KALRN: variants seen among roughly 807,000 people sequenced by gnomAD.
KALRN encodes the protein kalirin.
A neutral mutation model predicts 353.7 loss-of-function variants in KALRN; 70 were observed. The observed-to-expected ratio is 0.20, with a 90% CI of 0.16 to 0.24. The LOEUF (loss-of-function observed/expected upper bound fraction) is 0.24. Ranked by LOEUF, KALRN falls within the 10% of genes least tolerant of loss-of-function variation. The pLI, the probability that KALRN is intolerant of heterozygous loss-of-function variation, is 1.00. For missense variants in KALRN, 2,791 were observed against 3,756.7 expected (o/e 0.74, Z 6.72); for synonymous variants, 1,391 against 1,434.8 (o/e 0.97, Z 0.69).
chr3:124,431,045 C>G (rs553316341), intron 16 of KALRN, among the ~76,000 whole-genome samples: 1 of 152,184 alleles, frequency 6.6e-6, no homozygotes, highest in Admixed American at 6.5e-5. Context: ...CCTTTAAGGC[C>G]ACTGGTACAT....
chr3:124,182,382 A>G (rs2073720558), intron 1 of KALRN, among the ~76,000 whole-genome samples: 1 of 152,204 alleles, frequency 6.6e-6, no homozygotes, highest in Admixed American at 6.5e-5. Flanking sequence ...GACTTGACTT[A>G]CATGGTTGTT....
intron 2 of KALRN, among the ~76,000 whole-genome samples, chr3:124,228,411 C>G (rs182687205): frequency 6.6e-6 from 1 of 152,168 alleles, no homozygotes; most frequent in African/African-American, 2.4e-5. Flanking sequence ...GGATCAGGGA[C>G]GGGAGATTTT....
chr3:124,280,581 T>G (rs1226514809), intron 5 of KALRN, among the ~76,000 whole-genome samples: 1 of 152,206 alleles, frequency 6.6e-6, no homozygotes, highest in Non-Finnish European at 1.5e-5. Flanking sequence ...GGGAGGAGTC[T>G]GCAGCTTTTG....
rs144113221 is a variant in KALRN at position 124,434,444 on chromosome 3, C to T, written c.2967C>T (p.His989=). ...AATGTGCTGAGAAGGTGGCCCTCCA[C>T]TGGCAGCAGCTCATGCTGAAGATGG... The part of the protein sequence containing the change: ...IRECAEKVAL[H]WQQLMLKMED... The change falls in exon 17 of 60, where the codon CAC becomes CAT. Residue 989 remains histidine, a synonymous_variant. Transcript: ENST00000682506. 1.5e-3 allele frequency: 2,357 copies of T among 1,614,246 alleles called. 5 individuals are homozygous for T. Among genetic ancestry groups the T allele is most frequent in the Non-Finnish European group, 1.9e-3 (2,198 of 1,180,034 alleles).
intron 35 of KALRN, among the ~76,000 whole-genome samples, chr3:124,633,512 A>C (rs2081009939): frequency 6.6e-6 from 1 of 152,256 alleles, no homozygotes; most frequent in Non-Finnish European, 1.5e-5. Flanking sequence ...GCCTGGCGGC[A>C]TTTGGGCTAT....
At chr3:124,391,584 A>G (rs971460851) in intron 11 of KALRN, among the ~76,000 whole-genome samples, 1 of 152,204 alleles carries the variant, frequency 6.6e-6, no homozygotes, top group Non-Finnish European at 1.5e-5. Context: ...GCTAAATCGG[A>G]GGGACATACA....
intron 33 of KALRN, among the ~76,000 whole-genome samples, chr3:124,508,750 G>A (rs569289925): frequency 2.1e-4 from 32 of 152,162 alleles, no homozygotes; most frequent in Middle Eastern, 3.4e-3. Flanking sequence ...TCAAAGTGCC[G>A]ATACCAAATT....
In KALRN at chr3:124,271,781, T is replaced by C. The variant is rs150190705; in HGVS notation, c.969+2526T>C. ...AAAAATCCCAAATCCTACATTTTAA[T>C]GCTCATTCCACAGCAGGGGCTCTTT... On this transcript the variant is annotated intron_variant, in intron 5 of 59. Coordinates refer to ENST00000682506, the MANE Select transcript of KALRN (RefSeq NM_001388419.1). 7.9e-5 allele frequency among the ~76,000 whole-genome samples: 12 copies of C among 152,348 alleles called. No homozygotes were observed. In the East Asian group the frequency reaches 2.3e-3, roughly 29 times the overall value.
rs796628603 is a variant in KALRN, at chr3:124,642,806, G to GTTGTTTTTTTTTTTTTT, written c.5664+5505_5664+5506insGTTTTTTTTTTTTTTTT. Among the ~76,000 whole-genome samples the GTTGTTTTTTTTTTTTTT allele has an allele frequency of 2.8e-3, 274 of 96,776 alleles. 28 individuals carry two copies. The highest frequency in any genetic ancestry group is 6.5e-3 in the African/African-American group (144 of 22,304). The allele number at this position is 96,776 out of a possible 152,430, so 63.5% of individuals were successfully genotyped here. A position where few individuals can be genotyped will look rare whatever the true frequency, so the allele number is the denominator to read the frequency against. ...TCTGTGGAAGAGATTCCCAAGCCTC[G>GTTGTTTTTTTTTTTTTT]TTTTTTTTTTTTTTTTTTTTGAGAC... On this transcript the variant is annotated intron_variant, in intron 37 of 59. Transcript: ENST00000682506.
At chr3:124,115,502 T>C (rs1218986405) in intron 1 of KALRN, among the ~76,000 whole-genome samples, 3 of 152,160 alleles carry the variant, frequency 2.0e-5, no homozygotes, top group Non-Finnish European at 4.4e-5. Context: ...GATTAGCAGC[T>C]AGCTCTATGC....
chr3:124,683,983 C>T (rs1051372617), intron 51 of KALRN, among the ~76,000 whole-genome samples: 7 of 152,082 alleles, frequency 4.6e-5, no homozygotes, highest in Non-Finnish European at 5.9e-5. Context: ...AAAAATTTAC[C>T]ATTTTAACCA....
chr3:124,653,642 A>G (rs1249285448), intron 38 of KALRN, among the ~76,000 whole-genome samples: 1 of 152,218 alleles, frequency 6.6e-6, no homozygotes, highest in East Asian at 1.9e-4. Flanking sequence ...TGTTCTCAAG[A>G]GAGAGAACAG....
intron 34 of KALRN, among the ~76,000 whole-genome samples, chr3:124,603,546 T>C (rs12496161): frequency 0.6 from 90,591 of 151,898 alleles, 27,230 homozygotes; most frequent in East Asian, 0.83. Context: ...TCCCTACAGG[T>C]CATGCCAATA....
intron 1 of KALRN, among the ~76,000 whole-genome samples, chr3:124,173,564 G>T (rs184204815): frequency 9.2e-5 from 14 of 152,314 alleles, no homozygotes; most frequent in Admixed American, 8.5e-4. Flanking sequence ...CTGGCCTAGT[G>T]ATAATTGGGA....
intron 38 of KALRN, among the ~76,000 whole-genome samples, chr3:124,652,469 C>G (rs568832119): frequency 1.3e-5 from 2 of 152,348 alleles, no homozygotes; most frequent in South Asian, 4.1e-4. Flanking sequence ...TGTTGTTACA[C>G]AGGTGAGGCC....
At position 124,175,273 on chromosome 3, in the gene KALRN, G is replaced by A. The variant is rs572943656; in HGVS notation, c.74-52717G>A. Among the ~76,000 whole-genome samples, 431 of 152,386 alleles carry A rather than the reference G, an allele frequency of 2.8e-3. 1 individual carries two copies. Among genetic ancestry groups the A allele is most frequent in the Non-Finnish European group, 5.3e-3 (359 of 68,040 alleles). Reference sequence around the variant, plus strand: ...GGAGACGCATGCCTGGAGGTACCAGGCACCTAGCGCTGTGTGCACTGCCTA... The same window carrying A: ...GGAGACGCATGCCTGGAGGTACCAGACACCTAGCGCTGTGTGCACTGCCTA... On this transcript the variant is annotated intron_variant, in intron 1 of 59. Coordinates refer to ENST00000682506, the MANE Select transcript of KALRN (RefSeq NM_001388419.1).
At chr3:124,439,977 A>G (rs1478402844) in intron 18 of KALRN, among the ~76,000 whole-genome samples, 4 of 152,160 alleles carry the variant, frequency 2.6e-5, no homozygotes, top group Non-Finnish European at 1.5e-5. Context: ...ATTTTATTCA[A>G]TTCTGTAATT....
At chr3:124,611,954 C>T (rs1361448874) in intron 34 of KALRN, among the ~76,000 whole-genome samples, 4 of 152,248 alleles carry the variant, frequency 2.6e-5, no homozygotes, top group African/African-American at 9.6e-5. Context: ...TGTCACTTCT[C>T]AGAGAACTGT....
chr3:124,257,799 C>A (rs930648271), intron 3 of KALRN, among the ~76,000 whole-genome samples: 2 of 152,104 alleles, frequency 1.3e-5, no homozygotes, highest in Non-Finnish European at 2.9e-5. Context: ...ACTGTTCTTT[C>A]CCCTCCTGAG....
Sources: gnomAD v4.1 joint callset for allele counts (sites outside exome capture counted in the v4.1 genomes callset) on GRCh38, gnomAD v4.1.1 for gene constraint, MANE v1.5 for transcripts, NCBI Gene and HGNC (gene_info 2026-07-23, HGNC 2026-07-21) for gene names.